ZNF521: variants seen among roughly 807,000 people sequenced by gnomAD.
ZNF521 encodes LYST-interacting protein 3.
ZNF521 carries 14 observed loss-of-function variants against 105.5 expected under a neutral mutation model. The observed-to-expected ratio is 0.13, with a 90% CI of 0.09 to 0.21. ZNF521 has a LOEUF of 0.21. ZNF521 is among the 10% of genes least tolerant of loss of function. The probability of loss-of-function intolerance (pLI) is 1.00; values close to 1 mark genes in which losing one functional copy is unlikely to be tolerated. For synonymous variants in ZNF521, 635 were observed against 606.0 expected (o/e 1.05, Z -0.70); for missense variants, 1,233 against 1,629.7 (o/e 0.76, Z 4.19).
At chr18:25,284,752 A>G (rs762382174) in intron 3 of ZNF521, among the ~76,000 whole-genome samples, 6 of 152,170 alleles carry the variant, frequency 3.9e-5, no homozygotes, top group Non-Finnish European at 7.3e-5. Flanking sequence ...AGTAACTGAG[A>G]CAGGTACATT....
intron 3 of ZNF521, among the ~76,000 whole-genome samples, chr18:25,312,235 C>T (rs1447740697): frequency 6.6e-6 from 1 of 152,116 alleles, no homozygotes; most frequent in Non-Finnish European, 1.5e-5. Flanking sequence ...AAAACATATT[C>T]ATCAGTACAG....
intron 4 of ZNF521, among the ~76,000 whole-genome samples, chr18:25,207,462 C>T (rs531750124): frequency 9.3e-4 from 142 of 152,328 alleles, no homozygotes; most frequent in African/African-American, 1.8e-3. Flanking sequence ...TGCTACTAAC[C>T]GCTGCCTTCT....
At chr18:25,076,895 G>A (rs374881539) in intron 7 of ZNF521, among the ~76,000 whole-genome samples, 51 of 152,370 alleles carry the variant, frequency 3.3e-4, no homozygotes, top group African/African-American at 1.2e-3. Context: ...CCCTTATAGG[G>A]TATAATCCCT....
intron 3 of ZNF521, among the ~76,000 whole-genome samples, chr18:25,278,741 T>C (rs1910189756): frequency 8.5e-6 from 1 of 117,870 alleles, no homozygotes; most frequent in South Asian, 2.9e-4. Flanking sequence ...CCTCCTCTTG[T>C]TTAAAAAAAA....
chr18:25,116,058 C>T (rs1327226578), intron 5 of ZNF521, among the ~76,000 whole-genome samples: 1 of 152,070 alleles, frequency 6.6e-6, no homozygotes, highest in Non-Finnish European at 1.5e-5. Flanking sequence ...CTTTCAGTGA[C>T]CAGGGTGGCT....
intron 4 of ZNF521, among the ~76,000 whole-genome samples, chr18:25,204,596 A>G (rs1325487324): frequency 2.6e-5 from 4 of 152,186 alleles, no homozygotes; most frequent in Non-Finnish European, 5.9e-5. Flanking sequence ...AAGAACAACA[A>G]ATAATCTTTT....
chr18:25,130,476 C>T (rs140019428), intron 5 of ZNF521, among the ~76,000 whole-genome samples: 2 of 152,182 alleles, frequency 1.3e-5, no homozygotes, highest in East Asian at 1.9e-4. Context: ...CTAATATAAA[C>T]CGTGAACTTT....
At chr18:25,346,120 A>T (rs1175885985) in intron 2 of ZNF521, among the ~76,000 whole-genome samples, 1 of 152,176 alleles carries the variant, frequency 6.6e-6, no homozygotes, top group Non-Finnish European at 1.5e-5. Flanking sequence ...TGCAATTCTT[A>T]AAAGCAAAGC....
At chr18:25,330,062 C>T (rs972571090) in intron 2 of ZNF521, among the ~76,000 whole-genome samples, 1 of 152,162 alleles carries the variant, frequency 6.6e-6, no homozygotes, top group Non-Finnish European at 1.5e-5. Flanking sequence ...TCTTCACATC[C>T]AGGTTTTTTC....
chr18:25,336,486 C>T (rs773844075), intron 2 of ZNF521, among the ~76,000 whole-genome samples: 8 of 152,122 alleles, frequency 5.3e-5, no homozygotes, highest in Non-Finnish European at 8.8e-5. Context: ...GACACCAATC[C>T]GACTTACCAA....
intron 3 of ZNF521, among the ~76,000 whole-genome samples, chr18:25,241,653 G>T (rs1037397920): frequency 6.6e-6 from 1 of 151,964 alleles, no homozygotes; most frequent in African/African-American, 2.4e-5. Context: ...TTAACAAAAC[G>T]TAAGTCAAGG....
At chr18:25,349,421 G>A (rs886622489) in intron 2 of ZNF521, among the ~76,000 whole-genome samples, 2 of 152,242 alleles carry the variant, frequency 1.3e-5, no homozygotes, top group African/African-American at 4.8e-5. Flanking sequence ...ACTGTGTGGA[G>A]ACACATGCCA....
chr18:25,217,456 G>A (rs989825816), intron 4 of ZNF521, among the ~76,000 whole-genome samples: 24 of 152,216 alleles, frequency 1.6e-4, no homozygotes, highest in Admixed American at 1.5e-3. Flanking sequence ...GTAATTGGGT[G>A]TAGAGTGGTT....
At chr18:25,314,419 G>A (rs777836282) in intron 3 of ZNF521, among the ~76,000 whole-genome samples, 23 of 152,150 alleles carry the variant, frequency 1.5e-4, no homozygotes, top group South Asian at 4.1e-4. Context: ...GGATATTCCA[G>A]ATGTCTAAAA....
chr18:25,142,178 G>T (rs2034861574), intron 5 of ZNF521, among the ~76,000 whole-genome samples: 1 of 152,014 alleles, frequency 6.6e-6, no homozygotes, highest in Admixed American at 6.6e-5. Context: ...CAGAAGCACA[G>T]CACCTCATCA....
chr18:25,141,376 C>T (rs986815588), intron 5 of ZNF521, among the ~76,000 whole-genome samples: 2 of 152,114 alleles, frequency 1.3e-5, no homozygotes, highest in African/African-American at 4.8e-5. Flanking sequence ...CCTTTTAGTA[C>T]CACACTACCC....
At chr18:25,212,369 G>A (rs1335032514) in intron 4 of ZNF521, among the ~76,000 whole-genome samples, 1 of 150,364 alleles carries the variant, frequency 6.7e-6, no homozygotes, top group Non-Finnish European at 1.5e-5. Context: ...AATCAGCTGG[G>A]CATGGTGGCG....
chr18:25,096,435 C>G (rs935738412), intron 5 of ZNF521, among the ~76,000 whole-genome samples: 15 of 152,190 alleles, frequency 9.9e-5, no homozygotes, highest in African/African-American at 3.6e-4. Context: ...TTTGGATGCT[C>G]AAGCACAGGT....
At chr18:25,082,631 T>A in intron 7 of ZNF521, 2 of 425,274 alleles carry the variant, frequency 4.7e-6, no homozygotes, top group Non-Finnish European at 9.3e-6. Context: ...AGCTCAGGGG[T>A]TTGAGACCAG....
Sources: allele counts gnomAD v4.1 joint callset (sites outside exome capture counted in the v4.1 genomes callset), GRCh38; gene constraint gnomAD v4.1.1; transcripts MANE v1.5; gene names NCBI Gene and HGNC (gene_info 2026-07-23, HGNC 2026-07-21).